The following FGD2 variants were observed in gnomAD, a reference collection of about 807,000 sequenced individuals.
The protein encoded by FGD2 is FYVE, RhoGEF and PH domain-containing protein 2.
Under a neutral mutation model 75.9 loss-of-function variants are expected in FGD2, and 52 were observed. That is an observed-to-expected ratio of 0.69 (90% CI 0.55 to 0.86). FGD2 has a LOEUF of 0.86. FGD2 is among the 40% of genes least tolerant of loss of function. The pLI, the probability that FGD2 is intolerant of heterozygous loss-of-function variation, is 0.00. For missense variants in FGD2, 790 were observed against 872.0 expected (o/e 0.91, Z 1.18); for synonymous variants, 347 against 348.6 (o/e 1.00, Z 0.05).
intron 1 of FGD2, among the ~76,000 whole-genome samples, chr6:37,008,023 TTC>T (rs1350743544): frequency 6.6e-6 from 1 of 152,236 alleles, no homozygotes; most frequent in African/African-American, 2.4e-5. Flanking sequence ...CCTCTGCCAC[TTC>T]CGAGCCGCAT....
chr6:37,012,701 G>C (rs1394809667), intron 4 of FGD2, among the ~76,000 whole-genome samples: 3 of 140,912 alleles, frequency 2.1e-5, no homozygotes, highest in African/African-American at 7.9e-5. Context: ...GACAGAGAGA[G>C]ACCCTGACTT....
rs831495 is a variant in FGD2 at position 37,014,725 on chromosome 6, T to C, written c.882+21T>C. On this transcript the variant is annotated intron_variant, in intron 7 of 15. Coordinates refer to ENST00000274963, the MANE Select transcript of FGD2 (RefSeq NM_173558.4). The stretch of plus-strand genomic sequence containing the variant: ...AGATGGTAAGCAGCCCGCCCTCTCC[T>C]GGAGCCCTGTCCCCCTCCCTGCAGG... The C allele has an allele frequency of 6.1e-3, 9,849 of 1,613,818 alleles. 437 individuals are homozygous for C. The African/African-American group carries it at 0.11, about 17-fold the overall frequency.
chr6:37,013,481 C>G, intron 4 of FGD2, 128 bp from the exon 5 acceptor site: 7 of 1,467,036 alleles, frequency 4.8e-6, no homozygotes, highest in Non-Finnish European at 6.3e-6. Flanking sequence ...CCCCCGTACC[C>G]CGCCCACACC....
Position 37,027,666 on chromosome 6 carries a change from A to G in FGD2, c.1752+91A>G, listed in dbSNP as rs746184510. On this transcript the variant is annotated intron_variant, in intron 15 of 15. Transcript: ENST00000274963. ...GTCAGGGGTGAGTATTGCTAGCTCC[A>G]TATGTCAGATAGGGAAACTGAGGCC... 7.4e-6 allele frequency: 11 copies of G among 1,477,364 alleles called. No individual in the cohort carries two copies. The South Asian group carries it at 1.2e-4, about 16-fold the overall frequency. 91.5% of individuals were successfully genotyped at this position (1,477,364 alleles called of 1,614,324 possible). A position where few individuals can be genotyped will look rare whatever the true frequency, so the allele number is the denominator to read the frequency against.
intron 12 of FGD2, 113 bp downstream of exon 12, chr6:37,021,717 G>GAGAC (rs1765599745): frequency 7.2e-6 from 7 of 972,250 alleles, no homozygotes; most frequent in Non-Finnish European, 1.1e-5. Context: ...TCTGCCAGGA[G>GAGAC]AGACTGAAGG....
intron 12 of FGD2, chr6:37,021,853 C>T (rs1765605526): frequency 4.0e-6 from 2 of 506,220 alleles, no homozygotes; most frequent in Non-Finnish European, 7.0e-6. Flanking sequence ...TCTGCAGCTC[C>T]AGCTGCAGGG....
intron 14 of FGD2, among the ~76,000 whole-genome samples, chr6:37,027,001 T>C (rs1360869296): frequency 6.7e-6 from 1 of 149,636 alleles, no homozygotes; most frequent in African/African-American, 2.5e-5. Context: ...AGAGAGAAAC[T>C]ATCTGAAAAA....
At chr6:37,018,242 G>C (rs1765396725) in intron 9 of FGD2, among the ~76,000 whole-genome samples, 1 of 152,174 alleles carries the variant, frequency 6.6e-6, no homozygotes. Context: ...AGCATCAGAT[G>C]CTTTGGGTGT....
At chr6:37,014,534 TG>T in intron 6 of FGD2, 111 bp from the exon 7 acceptor site, 2 of 1,224,656 alleles carry the variant, frequency 1.6e-6, no homozygotes, top group Non-Finnish European at 2.3e-6. Flanking sequence ...GGGCTGCTCC[TG>T]GGGGCTGTCA....
At chr6:37,013,323 TA>T in intron 4 of FGD2, 1 of 511,106 alleles carries the variant, frequency 2.0e-6, no homozygotes, top group Non-Finnish European at 2.9e-6. Flanking sequence ...TATTGTTACA[TA>T]ATGAAGCACT....
rs753109110 is a variant in FGD2, at chr6:37,011,060, C to T, written c.378+10C>T. ...CCACCTGCTAGACCAGGCCAGTGACCAGGACACCCCCCTCTAGAGCCCCAG... is the reference window on the plus strand; with the variant it reads ...CCACCTGCTAGACCAGGCCAGTGACTAGGACACCCCCCTCTAGAGCCCCAG... On this transcript the variant is annotated intron_variant, in intron 3 of 15. Transcript: ENST00000274963. The T allele has an allele frequency of 4.3e-6, 7 of 1,613,694 alleles. No individual in the cohort carries two copies. The highest frequency in any genetic ancestry group is 3.3e-5 in the South Asian group (3 of 91,080).
At chr6:37,007,466 C>T (rs1193377889) in intron 1 of FGD2, among the ~76,000 whole-genome samples, 2 of 152,222 alleles carry the variant, frequency 1.3e-5, no homozygotes, top group Non-Finnish European at 2.9e-5. Flanking sequence ...ACATGCTTGA[C>T]GTGGACTAGG....
intron 9 of FGD2, among the ~76,000 whole-genome samples, chr6:37,017,665 T>C (rs76294923): frequency 0.028 from 4,189 of 152,284 alleles, 75 homozygotes; most frequent in Middle Eastern, 0.082. Context: ...AGGTCTGGTC[T>C]GGCCCATCTT....
intron 6 of FGD2, 133 bp from the exon 7 acceptor site, chr6:37,014,513 C>A (rs923620936): frequency 1.0e-6 from 1 of 1,000,212 alleles, no homozygotes; most frequent in Non-Finnish European, 1.5e-6. Context: ...CATGGCTGGG[C>A]TGCACAGGCA....
At chr6:37,019,707 C>A (rs9470455) in intron 9 of FGD2, among the ~76,000 whole-genome samples, 2,285 of 152,218 alleles carry the variant, frequency 0.015, 51 homozygotes, top group African/African-American at 0.049. Context: ...GGGTGGAATC[C>A]TTCTTTTGCC....
chr6:37,027,507 G>C lies in FGD2; in HGVS notation c.1684G>C (p.Gly562Arg). The stretch of plus-strand genomic sequence containing the variant: ...CATCGGGGACAAGTGGGGCAAGAGC[G>C]GCCCCCGGGGCTGGTGTGTGATCCC... ...QLIGDKWGKS[G>R]PRGWCVIPRD... The change falls in exon 15 of 16, where the codon GGC becomes CGC. Residue 562 changes from glycine (G) to arginine (R), a missense_variant. Gly to Arg is a moderately radical substitution (Grantham distance 125). Coordinates refer to ENST00000274963, the MANE Select transcript of FGD2 (RefSeq NM_173558.4). 1 of 1,614,096 alleles carries C rather than the reference G, an allele frequency of 6.2e-7. No individual in the cohort carries two copies.
At chr6:37,016,930 A>G (rs1222896116) in intron 9 of FGD2, among the ~76,000 whole-genome samples, 1 of 152,156 alleles carries the variant, frequency 6.6e-6, no homozygotes, top group Non-Finnish European at 1.5e-5. Flanking sequence ...AATATATACA[A>G]TGAAAGTCTC....
Position 37,013,649 on chromosome 6 carries a change from G to A in FGD2, c.568G>A (p.Ala190Thr), listed in dbSNP as rs1765130958. The change falls in exon 5 of 16, where the codon GCC (alanine) becomes ACC (threonine). Residue 190 changes from alanine (A) to threonine (T), a missense_variant. Physicochemically the swap from Ala to Thr is moderately conservative, Grantham distance 58. Coordinates refer to ENST00000274963, the MANE Select transcript of FGD2 (RefSeq NM_173558.4). ...PRIGDVIQKLAPFLKMYSEYV... is the reference protein window; with the variant it reads ...PRIGDVIQKLTPFLKMYSEYV... ...CATCGGTGACGTGATCCAGAAGCTG[G>A]CCCCCTTCCTGAAGATGTACAGTGA... The A allele has an allele frequency of 2.5e-6, 4 of 1,613,910 alleles. No homozygotes were observed. Among genetic ancestry groups the A allele is most frequent in the Non-Finnish European group, 3.4e-6 (4 of 1,179,966 alleles).
chr6:37,014,993 G>A lies in FGD2; in HGVS notation c.984G>A (p.Lys328=). ...NTLLREGPVL[K]ISFRRNDPME... ...TGCTCCGTGAGGGCCCGGTCCTCAAGATCTCCTTCCGCCGCAACGACCCCA... is the reference window on the plus strand; with the variant it reads ...TGCTCCGTGAGGGCCCGGTCCTCAAAATCTCCTTCCGCCGCAACGACCCCA... Residue 328 remains lysine (K), a synonymous_variant, in exon 8 of 16, where the codon AAG becomes AAA. Coordinates refer to ENST00000274963, the MANE Select transcript of FGD2 (RefSeq NM_173558.4). 2 of 1,614,154 alleles carry A rather than the reference G, an allele frequency of 1.2e-6. No individual in the cohort carries two copies. The highest frequency in any genetic ancestry group is 1.7e-6 in the Non-Finnish European group (2 of 1,180,006).
Sources: gnomAD v4.1 joint callset for allele counts (sites outside exome capture counted in the v4.1 genomes callset) on GRCh38, gnomAD v4.1.1 for gene constraint, MANE v1.5 for transcripts, NCBI Gene and HGNC (gene_info 2026-07-23, HGNC 2026-07-21) for gene names.